HERC1: variants seen among roughly 807,000 people sequenced by gnomAD.
HERC1 encodes HECT and RLD domain containing E3 ubiquitin protein ligase family member 1, also known as probable E3 ubiquitin-protein ligase HERC1.
In HERC1, 160 loss-of-function variants were observed where a neutral mutation model predicts 554.3. The ratio of observed to expected loss-of-function variants is 0.29; its 90% CI spans 0.25 to 0.33. The LOEUF (loss-of-function observed/expected upper bound fraction) is 0.33, where lower values mean the gene tolerates loss of function less well. HERC1 is among the 10% of genes least tolerant of loss of function. The pLI is 1.00. For synonymous variants in HERC1, 2,175 were observed against 2,131.7 expected, an observed-to-expected ratio of 1.02 and a Z score of -0.56; for missense variants, 4,919 against 5,918.5, an observed-to-expected ratio of 0.83 and a Z score of 5.54.
intron 11 of HERC1, among the ~76,000 whole-genome samples, 158 bp downstream of exon 11, chr15:63,747,566 A>G (rs1396651884): frequency 6.6e-6 from 1 of 152,240 alleles, no homozygotes; most frequent in Non-Finnish European, 1.5e-5. Flanking sequence ...CAAGTATCTA[A>G]GTTTAGCTCT....
intron 1 of HERC1, among the ~76,000 whole-genome samples, chr15:63,832,758 G>A (rs903911941): frequency 6.6e-6 from 1 of 152,110 alleles, no homozygotes; most frequent in African/African-American, 2.4e-5. Context: ...AAGCAGGCCA[G>A]AGAACTGATT....
Position 63,680,254 on chromosome 15 carries a change from G to A in HERC1, c.6466-94C>T. On this transcript the variant is annotated intron_variant, in intron 35 of 77. Coordinates refer to ENST00000443617, the MANE Select transcript of HERC1 (RefSeq NM_003922.4). The surrounding 1 kb of genome is among the most constrained non-coding windows in gnomAD (Gnocchi z 5.8). ...ACATTAGAATTGAAAGCTTTTATGA[G>A]ACAGAACAAAAGTTACTAGATCAAA... 3.1e-6 allele frequency: 3 copies of A among 973,266 alleles called. No individual in the cohort carries two copies. In the South Asian group the frequency reaches 4.6e-5, roughly 15 times the overall value. 60.3% of individuals were successfully genotyped at this position (973,266 alleles called of 1,614,324 possible). A position where few individuals can be genotyped will look rare whatever the true frequency, so the allele number is the denominator to read the frequency against.
intron 54 of HERC1, among the ~76,000 whole-genome samples, chr15:63,649,452 C>T (rs2069556436): frequency 6.6e-6 from 1 of 152,116 alleles, no homozygotes; most frequent in Non-Finnish European, 1.5e-5. Flanking sequence ...TCAAAGGAGA[C>T]TTGGAATCTG....
At chr15:63,622,658 TAAC>T (rs2068133338) in intron 74 of HERC1, among the ~76,000 whole-genome samples, 154 bp downstream of exon 74, 1 of 152,066 alleles carries the variant, frequency 6.6e-6, no homozygotes, top group Non-Finnish European at 1.5e-5. Flanking sequence ...GACAAGAGGA[TAAC>T]AACAATATTT....
intron 1 of HERC1, among the ~76,000 whole-genome samples, chr15:63,808,989 G>C (rs927352395): frequency 1.3e-5 from 2 of 152,040 alleles, no homozygotes; most frequent in Non-Finnish European, 2.9e-5. Flanking sequence ...CATTCTTATG[G>C]CCTCCCTAAA....
chr15:63,754,753 GATT>G lies in HERC1; in HGVS notation c.1631-108_1631-106del, dbSNP rs988390263. 12 of 1,143,934 alleles carry G rather than the reference GATT, an allele frequency of 1.0e-5. No individual in the cohort carries two copies. The Admixed American group carries it at 2.9e-4, about 28-fold the overall frequency. 70.9% of individuals were successfully genotyped at this position (1,143,934 alleles called of 1,614,324 possible). On this transcript the variant is annotated intron_variant, in intron 6 of 77. Transcript: ENST00000443617. The stretch of plus-strand genomic sequence containing the variant: ...TGTTACAACTTTAAAATAGAATTGA[GATT>G]TTTTTAATGCAATGCAATATGAAAA...
intron 48 of HERC1, 36 bp from the exon 49 acceptor site, chr15:63,656,394 A>T (rs774878981): frequency 6.3e-7 from 1 of 1,581,114 alleles, no homozygotes; most frequent in Non-Finnish European, 8.6e-7. Context: ...ATGGATAAAG[A>T]AAATGGATTT....
chr15:63,737,481 G>GATATATAT (rs1162968549), intron 12 of HERC1, among the ~76,000 whole-genome samples: 3 of 45,188 alleles, frequency 6.6e-5, no homozygotes, highest in Non-Finnish European at 1.4e-4. Flanking sequence ...CTTTTTTCCA[G>GATATATAT]ATATATATAT....
chr15:63,787,879 T>C (rs1441695428), intron 1 of HERC1, among the ~76,000 whole-genome samples: 1 of 147,436 alleles, frequency 6.8e-6, no homozygotes, highest in Non-Finnish European at 1.5e-5. Flanking sequence ...GGAGGCCGCC[T>C]GAGTCCAGAA....
In HERC1 at chr15:63,644,861, T is replaced by TA. The variant is rs796608341; in HGVS notation, c.11184+130dup. 9.3e-6 allele frequency: 6 copies of TA among 646,798 alleles called. No homozygotes were observed. The African/African-American group carries it at 1.1e-4, about 12-fold the overall frequency. The allele number at this position is 646,798 out of a possible 1,614,324, so 40.1% of individuals were successfully genotyped here. On this transcript the variant is annotated intron_variant, in intron 57 of 77. Coordinates refer to ENST00000443617, the MANE Select transcript of HERC1 (RefSeq NM_003922.4). ...AATTAAGCTAATTCAGGATGACAAT[T>TA]ACTTATATTTCCCAATGGATCTTGC...
chr15:63,675,150 G>C (rs1366576694), intron 37 of HERC1, 33 bp from the exon 38 acceptor site: 7 of 1,529,474 alleles, frequency 4.6e-6, no homozygotes, highest in Non-Finnish European at 6.2e-6. Flanking sequence ...ACAGGAAGAA[G>C]CAAGTGAGGG....
intron 66 of HERC1, 24 bp downstream of exon 66, chr15:63,634,709 A>C (rs778218912): frequency 6.3e-7 from 1 of 1,596,670 alleles, no homozygotes; most frequent in South Asian, 1.1e-5. Flanking sequence ...ATCAGCTAGA[A>C]TATCTTATTG....
At chr15:63,703,455 T>C (rs1056045119) in intron 25 of HERC1, among the ~76,000 whole-genome samples, 8 of 152,248 alleles carry the variant, frequency 5.3e-5, no homozygotes, top group African/African-American at 1.9e-4. Context: ...AGGATATAAT[T>C]AAACAGCATT....
At chr15:63,733,463 CAT>C (rs1197517081) in intron 13 of HERC1, among the ~76,000 whole-genome samples, 6 of 152,264 alleles carry the variant, frequency 3.9e-5, no homozygotes, top group African/African-American at 1.2e-4. Flanking sequence ...TAATATGACA[CAT>C]GATTCTACAG....
rs1407442557 is a variant in HERC1 at position 63,729,576 on chromosome 15, T to C, written c.2942A>G (p.Gln981Arg). The C allele has an allele frequency of 6.2e-7, 1 of 1,613,822 alleles. No homozygotes were observed. The highest frequency in any genetic ancestry group is 8.5e-7 in the Non-Finnish European group (1 of 1,179,714). ...LLGTSSSENS[Q>R]PAHLHELLCS... Reference sequence around the variant, plus strand: ...TAGCAGTTCATGAAGATGAGCAGGCTGACTGTTTTCTGATGATGATGTTCC... The same window carrying C: ...TAGCAGTTCATGAAGATGAGCAGGCCGACTGTTTTCTGATGATGATGTTCC... The change falls in exon 15 of 78, where the codon CAG (glutamine) becomes CGG (arginine). Residue 981 changes from glutamine (Q) to arginine (R), a missense_variant. This residue lies in a region of HERC1 where 744 missense variants were observed against 1,090.0 expected (regional missense o/e 0.68). Transcript: ENST00000443617.
In HERC1 at chr15:63,672,830, T is replaced by C. The variant is rs144359967; in HGVS notation, c.7847-136A>G. 1.2e-4 allele frequency: 77 copies of C among 644,768 alleles called. No individual in the cohort carries two copies. The African/African-American group carries it at 1.3e-3, about 11-fold the overall frequency. 39.9% of individuals were successfully genotyped at this position (644,768 alleles called of 1,614,324 possible). On this transcript the variant is annotated intron_variant, in intron 38 of 77. Transcript: ENST00000443617. ...CACAAGCATCAATTTCTATGAAAGA[T>C]TGACAGAAAAAAATATTCTTACTTA... is the stretch of plus-strand genomic sequence containing the variant.
intron 12 of HERC1, among the ~76,000 whole-genome samples, chr15:63,742,051 A>G (rs2074833292): frequency 6.6e-6 from 1 of 152,202 alleles, no homozygotes; most frequent in Non-Finnish European, 1.5e-5. Flanking sequence ...TAGTGATTGC[A>G]CTCAATCTGT....
At chr15:63,794,282 T>C (rs905427371) in intron 1 of HERC1, among the ~76,000 whole-genome samples, 4 of 152,192 alleles carry the variant, frequency 2.6e-5, no homozygotes, top group African/African-American at 9.7e-5. Flanking sequence ...TCGCCCTGAA[T>C]TCTTTCTTGC....
chr15:63,633,896 G>A lies in HERC1; in HGVS notation c.12645C>T (p.Asp4215=). 1 of 1,613,692 alleles carries A rather than the reference G, an allele frequency of 6.2e-7. No individual in the cohort carries two copies. The highest frequency in any genetic ancestry group is 8.5e-7 in the Non-Finnish European group (1 of 1,179,764). Residue 4215 remains aspartate (D), a synonymous_variant, in exon 67 of 78, where the codon GAC becomes GAT. Coordinates refer to ENST00000443617, the MANE Select transcript of HERC1 (RefSeq NM_003922.4). ...GSMVWAFGDG[D]YGKLGLGNST... is the part of the protein sequence containing the mutation. ...AATTTCCTAAGCCTAGTTTTCCATA[G>A]TCTCCATCTCCAAAAGCCCACACCA...
Sources: allele counts gnomAD v4.1 joint callset (sites outside exome capture counted in the v4.1 genomes callset), GRCh38; gene constraint gnomAD v4.1.1; regional missense constraint gnomAD v4.1.1; non-coding constraint Gnocchi (gnomAD v3.1); transcripts MANE v1.5; gene names NCBI Gene and HGNC (gene_info 2026-07-23, HGNC 2026-07-21).